The following DLG2 variants were observed in gnomAD, a reference collection of about 807,000 sequenced individuals.
DLG2 encodes discs large MAGUK scaffold protein 2.
In DLG2, 45 loss-of-function variants were observed where a neutral mutation model predicts 132.5. That is an observed-to-expected ratio of 0.34 (90% CI 0.27 to 0.44). DLG2 has a LOEUF of 0.44. DLG2 is among the 20% of genes least tolerant of loss of function. DLG2 has a pLI of 1.00. For missense variants in DLG2, 1,045 were observed against 1,196.9 expected (o/e 0.87, Z 1.87); for synonymous variants, 424 against 419.6 (o/e 1.01, Z -0.13).
chr11:85,270,306 C>T (rs765858584), intron 4 of DLG2, among the ~76,000 whole-genome samples: 1 of 152,178 alleles, frequency 6.6e-6, no homozygotes, highest in Admixed American at 6.5e-5. Context: ...AAGTTGTCTT[C>T]TCTTGTCTGC....
chr11:85,158,772 G>A (rs552178860), intron 4 of DLG2, among the ~76,000 whole-genome samples: 41 of 152,160 alleles, frequency 2.7e-4, no homozygotes, highest in African/African-American at 8.7e-4. Context: ...AGTCTGACTC[G>A]TGTAGAGCTC....
chr11:85,607,786 T>A (rs2080687323), intron 2 of DLG2, among the ~76,000 whole-genome samples: 1 of 152,202 alleles, frequency 6.6e-6, no homozygotes. Context: ...CCTATTCATA[T>A]AAGTGAAGAT....
chr11:83,580,909 C>A (rs995085292), intron 19 of DLG2, among the ~76,000 whole-genome samples: 1 of 143,676 alleles, frequency 7.0e-6, no homozygotes, highest in Admixed American at 7.0e-5. Context: ...CCCTCCCCTC[C>A]CCTCCCCTTT....
intron 6 of DLG2, among the ~76,000 whole-genome samples, chr11:84,924,644 C>G (rs545827095): frequency 2.0e-5 from 3 of 152,234 alleles, no homozygotes; most frequent in African/African-American, 2.4e-5. Context: ...CAGAAAGTGT[C>G]GTCAGTTCTG....
At chr11:84,589,591 A>C (rs2099538120) in intron 6 of DLG2, among the ~76,000 whole-genome samples, 1 of 152,176 alleles carries the variant, frequency 6.6e-6, no homozygotes, top group Admixed American at 6.5e-5. Context: ...AAATTTTAAA[A>C]AATGTTATAC....
chr11:84,335,716 T>A (rs570648180), intron 7 of DLG2, among the ~76,000 whole-genome samples: 1 of 152,346 alleles, frequency 6.6e-6, no homozygotes, highest in Non-Finnish European at 1.5e-5. Flanking sequence ...GGCAAGTCAC[T>A]TAACCTCTTT....
At chr11:85,549,975 T>C (rs1048085908) in intron 3 of DLG2, among the ~76,000 whole-genome samples, 2 of 152,072 alleles carry the variant, frequency 1.3e-5, no homozygotes, top group Admixed American at 6.6e-5. Context: ...TACCATAAAA[T>C]CAAAAATTAA....
At position 84,430,581 on chromosome 11, in the gene DLG2, T is replaced by C. The variant is rs934601864; in HGVS notation, c.519+103989A>G. Among the ~76,000 whole-genome samples, 78 of 152,184 alleles carry C rather than the reference T, an allele frequency of 5.1e-4. 7 individuals are homozygous for C. Among genetic ancestry groups the C allele is most frequent in the African/African-American group, 2.4e-5 (1 of 41,448 alleles). ...GAGTAAACTGCTTAATAGTCATTCCTACAACTAGTCACAATTTTACAGTGG... is the reference window on the plus strand; with the variant it reads ...GAGTAAACTGCTTAATAGTCATTCCCACAACTAGTCACAATTTTACAGTGG... On this transcript the variant is annotated intron_variant, in intron 7 of 27. Coordinates refer to ENST00000376104, the MANE Select transcript of DLG2 (RefSeq NM_001142699.3).
intron 6 of DLG2, among the ~76,000 whole-genome samples, chr11:84,791,017 G>A (rs955665285): frequency 5.9e-5 from 9 of 152,160 alleles, no homozygotes; most frequent in African/African-American, 1.2e-4. Flanking sequence ...TCACAGTTCC[G>A]CATGACTGGG....
chr11:84,845,680 CTCTTT>C (rs2081370987), intron 6 of DLG2, among the ~76,000 whole-genome samples: 1 of 126,900 alleles, frequency 7.9e-6, no homozygotes, highest in African/African-American at 2.9e-5. Flanking sequence ...GTGATCGTCA[CTCTTT>C]TTTTTTTTTT....
intron 22 of DLG2, 97 bp downstream of exon 22, chr11:83,484,032 T>G: frequency 1.1e-6 from 1 of 947,444 alleles, no homozygotes; most frequent in East Asian, 2.5e-5. Flanking sequence ...GTTGTTTGCC[T>G]AGGTGTGTGG....
intron 6 of DLG2, among the ~76,000 whole-genome samples, chr11:84,656,171 G>A (rs981328910): frequency 5.3e-5 from 8 of 152,136 alleles, no homozygotes; most frequent in Non-Finnish European, 8.8e-5. Context: ...CACATGGCAT[G>A]CATCGACAGG....
At chr11:83,560,120 T>TG (rs952179625) in intron 19 of DLG2, among the ~76,000 whole-genome samples, 1 of 135,100 alleles carries the variant, frequency 7.4e-6, no homozygotes, top group Non-Finnish European at 1.6e-5. Flanking sequence ...GAACTTTGCT[T>TG]TTTTTTTTTT....
intron 15 of DLG2, among the ~76,000 whole-genome samples, chr11:83,907,509 C>T (rs1208216758): frequency 6.6e-6 from 1 of 152,192 alleles, no homozygotes; most frequent in East Asian, 1.9e-4. Flanking sequence ...CTCTAAGCTT[C>T]ACTATTTTTG....
chr11:83,522,911 C>T (rs1041861135), intron 21 of DLG2, among the ~76,000 whole-genome samples: 3 of 149,976 alleles, frequency 2.0e-5, no homozygotes, highest in African/African-American at 7.4e-5. Flanking sequence ...AGATATTACA[C>T]GTGCTATTAT....
intron 4 of DLG2, among the ~76,000 whole-genome samples, chr11:85,194,272 G>A (rs1317840688): frequency 1.3e-5 from 2 of 152,098 alleles, no homozygotes; most frequent in African/African-American, 4.8e-5. Context: ...CTTTTTTCTC[G>A]TAAGAAGTCC....
intron 6 of DLG2, among the ~76,000 whole-genome samples, chr11:84,780,997 C>CAAAAAAAAAAA (rs372443245): frequency 1.1e-5 from 1 of 93,974 alleles, no homozygotes; most frequent in Admixed American, 1.1e-4. Context: ...CAGGATTGTA[C>CAAAAAAAAAAA]AAAAAAAAAA....
chr11:83,956,789 C>G (rs1400472742), intron 14 of DLG2, among the ~76,000 whole-genome samples: 1 of 152,200 alleles, frequency 6.6e-6, no homozygotes, highest in Non-Finnish European at 1.5e-5. Flanking sequence ...GAGGTGTTGT[C>G]TGATCCTTCG....
intron 3 of DLG2, among the ~76,000 whole-genome samples, chr11:85,431,497 C>T (rs1323013946): frequency 6.6e-6 from 1 of 152,254 alleles, no homozygotes; most frequent in Non-Finnish European, 1.5e-5. Flanking sequence ...AGCCACATGG[C>T]TAGAATCTGC....
Sources: allele counts gnomAD v4.1 joint callset (sites outside exome capture counted in the v4.1 genomes callset), GRCh38; gene constraint gnomAD v4.1.1; transcripts MANE v1.5; gene names NCBI Gene and HGNC (gene_info 2026-07-23, HGNC 2026-07-21).